CORO2B: variants seen among roughly 807,000 people sequenced by gnomAD.
The protein encoded by CORO2B is coronin 2B.
CORO2B carries 26 observed loss-of-function variants against 58.8 expected under a neutral mutation model. The observed-to-expected ratio is 0.44, with a 90% confidence interval of 0.32 to 0.61. CORO2B has a LOEUF of 0.61. Ranked by LOEUF, CORO2B falls within the 20% of genes least tolerant of loss-of-function variation. The pLI is 0.04. For synonymous variants in CORO2B, 242 were observed against 253.8 expected (o/e 0.95, Z 0.44); for missense variants, 460 against 645.1 (o/e 0.71, Z 3.11).
chr15:68,559,664 C>G, the CORO2B span: 1 of 984,236 alleles, frequency 1.0e-6, no homozygotes, highest in Non-Finnish European at 1.2e-6. The surrounding 1 kb of genome is among the most constrained non-coding windows in gnomAD (Gnocchi z 4.3). Context: ...CTGTCTGGGC[C>G]TCCGTTTCCG....
intron 1 of CORO2B, among the ~76,000 whole-genome samples, chr15:68,602,405 G>T (rs2140239993): frequency 7.8e-6 from 1 of 127,778 alleles, no homozygotes; most frequent in Admixed American, 7.6e-5. Flanking sequence ...ATTAGGGGCT[G>T]ATCACACACA....
At chr15:68,530,792 T>C in the CORO2B span, among the ~76,000 whole-genome samples, 1 of 152,248 alleles carries the variant, frequency 6.6e-6, no homozygotes, top group Non-Finnish European at 1.5e-5. Context: ...TTCTTATGAT[T>C]ATTATTTTCA....
intron 3 of CORO2B, among the ~76,000 whole-genome samples, chr15:68,708,776 C>T (rs552184254): frequency 7.2e-5 from 11 of 152,130 alleles, no homozygotes; most frequent in African/African-American, 2.7e-4. Flanking sequence ...AACTCCTGGG[C>T]TTAAGGGATC....
chr15:68,529,343 C>G, the CORO2B span, among the ~76,000 whole-genome samples: 1 of 152,188 alleles, frequency 6.6e-6, no homozygotes, highest in Admixed American at 6.5e-5. Context: ...CAAGTCATAT[C>G]AGTCAACACA....
At chr15:68,551,434 G>A in the CORO2B span, among the ~76,000 whole-genome samples, 1 of 152,182 alleles carries the variant, frequency 6.6e-6, no homozygotes, top group Admixed American at 6.5e-5. Context: ...GGCTGTGGGT[G>A]AAGAGGCGCA....
chr15:68,685,929 G>A (rs889109291), intron 2 of CORO2B, among the ~76,000 whole-genome samples: 1 of 151,876 alleles, frequency 6.6e-6, no homozygotes, highest in Admixed American at 6.5e-5. Context: ...AGGAAGGGAG[G>A]GTCTCCAAGA....
chr15:68,665,945 G>A (rs1044882112), intron 2 of CORO2B, among the ~76,000 whole-genome samples: 1 of 151,936 alleles, frequency 6.6e-6, no homozygotes, highest in Non-Finnish European at 1.5e-5. Context: ...TGCATTGGCA[G>A]GTCCTACAGG....
At chr15:68,550,458 C>T in the CORO2B span, among the ~76,000 whole-genome samples, 1 of 152,150 alleles carries the variant, frequency 6.6e-6, no homozygotes, top group Non-Finnish European at 1.5e-5. Context: ...CCAATTTAGG[C>T]AAGTTGTTTA....
intron 3 of CORO2B, among the ~76,000 whole-genome samples, chr15:68,706,398 C>T (rs1892786107): frequency 6.6e-6 from 1 of 152,230 alleles, no homozygotes; most frequent in Non-Finnish European, 1.5e-5. Flanking sequence ...CGTCTGCATG[C>T]ACCGCTTAGT....
At chr15:68,707,173 C>T (rs1037163052) in intron 3 of CORO2B, among the ~76,000 whole-genome samples, 6 of 152,140 alleles carry the variant, frequency 3.9e-5, no homozygotes, top group South Asian at 2.1e-4. Context: ...TGAGCTACCA[C>T]GCCTGTCCTC....
intron 1 of CORO2B, among the ~76,000 whole-genome samples, chr15:68,595,842 C>T (rs999608307): frequency 6.6e-6 from 1 of 152,158 alleles, no homozygotes; most frequent in Non-Finnish European, 1.5e-5. Flanking sequence ...GCATTGAATG[C>T]GAGTCCTAAA....
chr15:68,531,953 GA>G, the CORO2B span, among the ~76,000 whole-genome samples: 21 of 151,776 alleles, frequency 1.4e-4, no homozygotes, highest in African/African-American at 4.8e-4. Context: ...AGGTTGACAG[GA>G]TTTTTTTTCT....
intron 1 of CORO2B, among the ~76,000 whole-genome samples, chr15:68,608,273 T>C (rs1280494184): frequency 6.6e-6 from 1 of 152,244 alleles, no homozygotes; most frequent in Non-Finnish European, 1.5e-5. Flanking sequence ...CTTGGCCTCC[T>C]GTGGCTGGCT....
chr15:68,613,284 A>G (rs1474459825), intron 1 of CORO2B, among the ~76,000 whole-genome samples: 2 of 152,214 alleles, frequency 1.3e-5, no homozygotes, highest in African/African-American at 4.8e-5. Context: ...AGAATAGAAG[A>G]ACGGGAAATG....
intron 1 of CORO2B, among the ~76,000 whole-genome samples, chr15:68,607,080 T>G (rs1244652056): frequency 6.6e-6 from 1 of 152,026 alleles, no homozygotes; most frequent in Non-Finnish European, 1.5e-5. Context: ...GCTTTTGAAG[T>G]AGGTGGAGGG....
At chr15:68,677,033 C>A (rs374973580) in intron 2 of CORO2B, among the ~76,000 whole-genome samples, 14 of 152,250 alleles carry the variant, frequency 9.2e-5, no homozygotes, top group African/African-American at 2.9e-4. Flanking sequence ...TTCAGCCTCC[C>A]AAAATGCTGG....
rs1454441066 is a variant in CORO2B, at chr15:68,718,796, A to C, written c.1066A>C (p.Ile356Leu). The C allele has an allele frequency of 6.2e-7, 1 of 1,613,860 alleles. No individual in the cohort carries two copies. The highest frequency in any genetic ancestry group is 8.5e-7 in the Non-Finnish European group (1 of 1,179,894). The change falls in exon 9 of 12, where the codon ATC becomes CTC. Residue 356 changes from isoleucine to leucine, a missense_variant. Ile to Leu is a conservative substitution (Grantham distance 5). Around this residue, in one of 2 missense-constraint regions of CORO2B, gnomAD observed 352 missense variants for 543.0 expected, o/e 0.65. Transcript: ENST00000261861. ...GGGCCTGATCGAGCCCATCTCCATG[A>C]TCGTGCCCCGGAGGGTAAGTGGGGC... is the stretch of plus-strand genomic sequence containing the variant. The part of the protein sequence containing the change: ...LKGLIEPISM[I>L]VPRRSDSYQE...
chr15:68,548,383 G>A, the CORO2B span, among the ~76,000 whole-genome samples: 4 of 152,046 alleles, frequency 2.6e-5, no homozygotes, highest in Non-Finnish European at 4.4e-5. Context: ...TAACCTATTT[G>A]CAGTGGTGTT....
At chr15:68,617,040 G>C (rs902203438) in intron 1 of CORO2B, among the ~76,000 whole-genome samples, 1 of 152,208 alleles carries the variant, frequency 6.6e-6, no homozygotes, top group Non-Finnish European at 1.5e-5. Flanking sequence ...AGTAACCCTG[G>C]TTACCAGATG....
Sources: allele counts gnomAD v4.1 joint callset (sites outside exome capture counted in the v4.1 genomes callset), GRCh38; gene constraint gnomAD v4.1.1; regional missense constraint gnomAD v4.1.1; non-coding constraint Gnocchi (gnomAD v3.1); transcripts MANE v1.5; gene names NCBI Gene and HGNC (gene_info 2026-07-23, HGNC 2026-07-21).